LHX8: variants seen among roughly 807,000 people sequenced by gnomAD.
LHX8 encodes the protein LIM/homeobox protein Lhx8.
LHX8 carries 12 observed loss-of-function variants against 40.3 expected under a neutral mutation model. The observed-to-expected ratio is 0.30, with a 90% confidence interval of 0.19 to 0.48. The LOEUF is 0.48. LHX8 is among the 20% of genes least tolerant of loss of function. The pLI is 0.99. For synonymous variants in LHX8, 179 were observed against 162.0 expected, an observed-to-expected ratio of 1.10 and a Z score of -0.80; for missense variants, 344 against 433.7, an observed-to-expected ratio of 0.79 and a Z score of 1.84.
At chr1:75,179,488 T>C in the LHX8 span, among the ~76,000 whole-genome samples, 4 of 150,812 alleles carry the variant, frequency 2.7e-5, no homozygotes, top group East Asian at 7.7e-4. Context: ...GAGACTAGGA[T>C]TGCAACCCCT....
At chr1:75,148,499 C>A in intron 6 of LHX8, 88 bp from the exon 7 acceptor site, 1 of 875,110 alleles carries the variant, frequency 1.1e-6, no homozygotes, top group South Asian at 1.4e-5. Flanking sequence ...TGTTCTTGTG[C>A]ATGTCTTACC....
At chr1:75,177,659 C>T in the LHX8 span, among the ~76,000 whole-genome samples, 3,684 of 152,108 alleles carry the variant, frequency 0.024, 53 homozygotes, top group Non-Finnish European at 0.039. Flanking sequence ...AATTGAATGC[C>T]CTTTATTGCT....
At chr1:75,177,786 A>T in the LHX8 span, among the ~76,000 whole-genome samples, 1 of 152,158 alleles carries the variant, frequency 6.6e-6, no homozygotes, top group Non-Finnish European at 1.5e-5. Flanking sequence ...GTTTTTGCCC[A>T]TTCAGTATGA....
At chr1:75,172,933 A>G in the LHX8 span, among the ~76,000 whole-genome samples, 2 of 152,156 alleles carry the variant, frequency 1.3e-5, no homozygotes, top group African/African-American at 2.4e-5. Context: ...TCTTCATGAC[A>G]CTACCTGCTT....
At chr1:75,156,423 G>A (rs1311242573) in intron 7 of LHX8, among the ~76,000 whole-genome samples, 6 of 152,090 alleles carry the variant, frequency 3.9e-5, no homozygotes, top group Non-Finnish European at 8.8e-5. Flanking sequence ...TGTATTTTTA[G>A]TAGAGACGGG....
chr1:75,184,658 A>G, the LHX8 span, among the ~76,000 whole-genome samples: 1 of 152,114 alleles, frequency 6.6e-6, no homozygotes, highest in African/African-American at 2.4e-5. Context: ...GTCCACACCA[A>G]AAAGTTAGAA....
intron 4 of LHX8, 53 bp from the exon 5 acceptor site, chr1:75,143,065 A>C: frequency 2.2e-6 from 3 of 1,390,674 alleles, no homozygotes; most frequent in Non-Finnish European, 3.1e-6. Flanking sequence ...TCGACTGATG[A>C]ATATCTCACC....
At chr1:75,177,075 A>G in the LHX8 span, among the ~76,000 whole-genome samples, 1 of 152,174 alleles carries the variant, frequency 6.6e-6, no homozygotes, top group Non-Finnish European at 1.5e-5. Flanking sequence ...TGATCACTAT[A>G]GCCTTGTAGT....
chr1:75,184,427 A>C, the LHX8 span, among the ~76,000 whole-genome samples: 1 of 152,236 alleles, frequency 6.6e-6, no homozygotes, highest in East Asian at 1.9e-4. Context: ...ACACTTTCAA[A>C]CCATAATGCA....
At chr1:75,181,469 T>G in the LHX8 span, among the ~76,000 whole-genome samples, 1 of 151,940 alleles carries the variant, frequency 6.6e-6, no homozygotes, top group African/African-American at 2.4e-5. Flanking sequence ...GGACTAGGAG[T>G]GAGCAAGGCT....
upstream of LHX8, chr1:75,130,905 G>T (rs1432766210): frequency 2.8e-6 from 2 of 702,346 alleles, no homozygotes; most frequent in Admixed American, 2.1e-5. Context: ...CACCTTCAGG[G>T]ATCGAAGGAG....
chr1:75,188,429 G>C, the LHX8 span, among the ~76,000 whole-genome samples: 4 of 152,148 alleles, frequency 2.6e-5, no homozygotes, highest in Non-Finnish European at 4.4e-5. Context: ...GGAACTTACA[G>C]GTCAAGACTT....
chr1:75,166,959 G>A, the LHX8 span, among the ~76,000 whole-genome samples: 1 of 152,222 alleles, frequency 6.6e-6, no homozygotes, highest in Admixed American at 6.5e-5. Context: ...CAGGGGATAA[G>A]GTGTCGAAGT....
intron 6 of LHX8, among the ~76,000 whole-genome samples, chr1:75,148,311 T>G (rs1310042323): frequency 6.6e-6 from 1 of 152,196 alleles, no homozygotes; most frequent in Non-Finnish European, 1.5e-5. Context: ...GGTTATAAGA[T>G]TGAAAGAAAA....
chr1:75,157,063 T>C lies in LHX8; in HGVS notation c.951T>C (p.His317=). 6.2e-7 allele frequency: 1 copy of C among 1,614,172 alleles called. No individual in the cohort carries two copies. Among genetic ancestry groups the C allele is most frequent in the Non-Finnish European group, 8.5e-7 (1 of 1,180,020 alleles). Residue 317 remains histidine, a synonymous_variant, in exon 8 of 9, where the codon CAT becomes CAC. Transcript: ENST00000356261. ...ATGGAACGATGTTAACTGCGCTGCA[T>C]AGTTATATGGATGGTAGGTATCCCA... The part of the protein sequence containing the change: ...PQDGTMLTAL[H]SYMDAHSPTT...
At chr1:75,161,712 G>T (rs1648924901), downstream of LHX8, among the ~76,000 whole-genome samples, 2 of 150,788 alleles carry the variant, frequency 1.3e-5, no homozygotes, top group Non-Finnish European at 3.0e-5. Context: ...GGCAAAAATT[G>T]TCTTTTAGGC....
chr1:75,169,467 C>G, the LHX8 span, among the ~76,000 whole-genome samples: 1 of 152,102 alleles, frequency 6.6e-6, no homozygotes. Flanking sequence ...GTGGTGGCTA[C>G]TGAAGTGAGG....
intron 6 of LHX8, among the ~76,000 whole-genome samples, chr1:75,147,572 G>T (rs1224100923): frequency 6.6e-6 from 1 of 152,152 alleles, no homozygotes; most frequent in African/African-American, 2.4e-5. Flanking sequence ...GCTGAAAAGA[G>T]TGAAGTCCAG....
At chr1:75,166,912 T>C in the LHX8 span, among the ~76,000 whole-genome samples, 4 of 151,868 alleles carry the variant, frequency 2.6e-5, no homozygotes, top group Non-Finnish European at 4.4e-5. Flanking sequence ...TACAGGAAAT[T>C]CATGGGCTCA....
Sources: allele counts gnomAD v4.1 joint callset (sites outside exome capture counted in the v4.1 genomes callset), GRCh38; gene constraint gnomAD v4.1.1; transcripts MANE v1.5; gene names NCBI Gene and HGNC (gene_info 2026-07-23, HGNC 2026-07-21).